SLC2A13: variants seen among roughly 807,000 people sequenced by gnomAD.
The protein encoded by SLC2A13 is solute carrier family 2 member 13.
In SLC2A13, 32 loss-of-function variants were observed where a neutral mutation model predicts 64.4. That is an observed-to-expected ratio of 0.50 (90% CI 0.37 to 0.67). SLC2A13 has a LOEUF of 0.67. SLC2A13 is among the 30% of genes least tolerant of loss of function. SLC2A13 has a pLI of 0.00. For missense variants in SLC2A13, 743 were observed against 829.2 expected (o/e 0.90, Z 1.28); for synonymous variants, 338 against 327.1 (o/e 1.03, Z -0.36).
chr12:39,989,873 A>G, intron 3 of SLC2A13, among the ~76,000 whole-genome samples: 1 of 152,210 alleles, frequency 6.6e-6, no homozygotes, highest in Admixed American at 6.5e-5. Flanking sequence ...TTTACAGATG[A>G]GAAATTACTG....
At chr12:39,924,658 T>C (rs1258919483) in intron 4 of SLC2A13, among the ~76,000 whole-genome samples, 1 of 152,184 alleles carries the variant, frequency 6.6e-6, no homozygotes, top group East Asian at 1.9e-4. Flanking sequence ...GAATCACTGT[T>C]TTCAATTATT....
chr12:39,943,286 T>A (rs2136088933), intron 4 of SLC2A13, among the ~76,000 whole-genome samples: 1 of 152,330 alleles, frequency 6.6e-6, no homozygotes, highest in East Asian at 1.9e-4. Flanking sequence ...AGTGCTGTGC[T>A]GGGAGATTAG....
chr12:39,833,461 C>G (rs1942917822), intron 6 of SLC2A13, among the ~76,000 whole-genome samples: 1 of 152,072 alleles, frequency 6.6e-6, no homozygotes, highest in South Asian at 2.1e-4. Flanking sequence ...CTGCTTCCCT[C>G]TCTATGGAAC....
chr12:40,101,500 C>G (rs11175186), intron 1 of SLC2A13, among the ~76,000 whole-genome samples: 4,317 of 151,854 alleles, frequency 0.028, 179 homozygotes, highest in Admixed American at 0.11. Flanking sequence ...TTGCTAATAC[C>G]CAAAATTTCA....
intron 4 of SLC2A13, among the ~76,000 whole-genome samples, chr12:39,886,680 G>A (rs534926884): frequency 5.3e-4 from 80 of 152,250 alleles, no homozygotes; most frequent in African/African-American, 1.9e-3. Flanking sequence ...ATTGGTTTTA[G>A]AAATGCCCTT....
intron 7 of SLC2A13, among the ~76,000 whole-genome samples, chr12:39,786,845 T>C (rs146302273): frequency 1.0e-3 from 153 of 152,312 alleles, no homozygotes; most frequent in African/African-American, 3.6e-3. Context: ...ACAGAACTGA[T>C]GGAATTGAGA....
intron 3 of SLC2A13, among the ~76,000 whole-genome samples, chr12:39,980,765 C>T (rs953324088): frequency 6.6e-5 from 10 of 152,184 alleles, no homozygotes; most frequent in East Asian, 1.9e-4. Flanking sequence ...GACAGATCAA[C>T]GAGACAGAAA....
intron 4 of SLC2A13, among the ~76,000 whole-genome samples, chr12:39,937,605 T>C (rs1427062962): frequency 6.6e-6 from 1 of 152,204 alleles, no homozygotes; most frequent in Admixed American, 6.5e-5. Context: ...CAAGGAAATA[T>C]GTTTTCATAT....
chr12:40,051,070 C>T (rs192632467), intron 1 of SLC2A13, among the ~76,000 whole-genome samples: 1 of 152,024 alleles, frequency 6.6e-6, no homozygotes, highest in Non-Finnish European at 1.5e-5. Flanking sequence ...AGGATGAGTA[C>T]AAACAAATAA....
At chr12:39,821,409 C>CAA (rs553327490) in intron 7 of SLC2A13, among the ~76,000 whole-genome samples, 11 of 144,098 alleles carry the variant, frequency 7.6e-5, no homozygotes, top group African/African-American at 2.3e-4. Context: ...GACTCCGTCT[C>CAA]AAAAAAAAAA....
At chr12:39,876,798 T>C (rs570669344) in intron 4 of SLC2A13, among the ~76,000 whole-genome samples, 5 of 152,156 alleles carry the variant, frequency 3.3e-5, no homozygotes, top group Non-Finnish European at 7.3e-5. Flanking sequence ...AAAAGGGATA[T>C]GGAACATACT....
chr12:40,070,740 T>C (rs1480535296), intron 1 of SLC2A13, among the ~76,000 whole-genome samples: 1 of 152,210 alleles, frequency 6.6e-6, no homozygotes, highest in East Asian at 1.9e-4. Flanking sequence ...CTTTTTCTTC[T>C]GTTGTGACCA....
At chr12:39,774,201 C>T (rs7305817) in intron 7 of SLC2A13, among the ~76,000 whole-genome samples, 2,390 of 152,254 alleles carry the variant, frequency 0.016, 58 homozygotes, top group African/African-American at 0.052. Context: ...CAGGATAGGA[C>T]ACCTTCACTC....
At chr12:40,090,129 T>G (rs1426260850) in intron 1 of SLC2A13, among the ~76,000 whole-genome samples, 1 of 152,174 alleles carries the variant, frequency 6.6e-6, no homozygotes, top group African/African-American at 2.4e-5. Context: ...ATATGCAGAA[T>G]TTTCCTAATC....
At chr12:39,801,394 A>G (rs966469566) in intron 7 of SLC2A13, among the ~76,000 whole-genome samples, 8 of 151,580 alleles carry the variant, frequency 5.3e-5, no homozygotes, top group African/African-American at 1.5e-4. Context: ...TAGCAAAGGC[A>G]TAAACAAAAC....
intron 1 of SLC2A13, among the ~76,000 whole-genome samples, chr12:40,058,910 T>C (rs2136249346): frequency 6.6e-6 from 1 of 152,294 alleles, no homozygotes; most frequent in African/African-American, 2.4e-5. Context: ...AGGCTGGCTT[T>C]AGAACAAGTT....
intron 7 of SLC2A13, among the ~76,000 whole-genome samples, chr12:39,806,848 G>A (rs1050431521): frequency 1.3e-5 from 2 of 152,122 alleles, no homozygotes; most frequent in African/African-American, 4.8e-5. Flanking sequence ...AGGGTTAATT[G>A]TTAAGAAAAC....
intron 6 of SLC2A13, among the ~76,000 whole-genome samples, chr12:39,841,573 T>C (rs961163459): frequency 2.0e-5 from 3 of 152,102 alleles, no homozygotes; most frequent in Non-Finnish European, 2.9e-5. Flanking sequence ...CATATACATA[T>C]GTGTATATAG....
chr12:39,982,433 G>T (rs372708267), intron 3 of SLC2A13, among the ~76,000 whole-genome samples: 2 of 149,772 alleles, frequency 1.3e-5, no homozygotes, highest in Non-Finnish European at 3.0e-5. Context: ...AAACCCCATC[G>T]TCTCAGCCCA....
Sources: allele counts gnomAD v4.1 joint callset (sites outside exome capture counted in the v4.1 genomes callset), GRCh38; gene constraint gnomAD v4.1.1; transcripts MANE v1.5; gene names NCBI Gene and HGNC (gene_info 2026-07-23, HGNC 2026-07-21).